AQR: variants seen among roughly 807,000 people sequenced by gnomAD.
The protein encoded by AQR is aquarius intron-binding spliceosomal factor.
A neutral mutation model predicts 180.5 loss-of-function variants in AQR; 61 were observed. The observed-to-expected ratio is 0.34, with a 90% CI of 0.28 to 0.42. The LOEUF (loss-of-function observed/expected upper bound fraction) is 0.42, where lower values mean the gene tolerates loss of function less well. Among genes scored for constraint, AQR ranks in the 10% least tolerant of loss-of-function variants. AQR has a pLI of 1.00. For synonymous variants in AQR, 551 were observed against 588.8 expected (o/e 0.94, Z 0.93); for missense variants, 1,281 against 1,798.3 (o/e 0.71, Z 5.20).
At chr15:34,870,952 T>G (rs369394000) in intron 30 of AQR, 30 bp from the exon 31 acceptor site, 53 of 1,582,910 alleles carry the variant, frequency 3.3e-5, no homozygotes, top group Middle Eastern at 1.7e-4. Context: ...AGACTGTGCA[T>G]TCATTTGCTT....
At chr15:34,889,588 T>G (rs1221089023) in intron 24 of AQR, among the ~76,000 whole-genome samples, 1 of 152,236 alleles carries the variant, frequency 6.6e-6, no homozygotes, top group Non-Finnish European at 1.5e-5. Flanking sequence ...GTATGTGATA[T>G]CAAACAAAGT....
chr15:34,943,104 C>T (rs562162245), intron 6 of AQR: 65 of 1,611,800 alleles, frequency 4.0e-5, no homozygotes, highest in East Asian at 3.3e-4. Context: ...TAAAACCCGC[C>T]GGACTTTCTG....
At chr15:34,933,613 G>A (rs117218527) in intron 10 of AQR, among the ~76,000 whole-genome samples, 1 of 151,828 alleles carries the variant, frequency 6.6e-6, no homozygotes, top group South Asian at 2.1e-4. Flanking sequence ...CTGTATGAGG[G>A]GTATTAAAGT....
At chr15:34,899,479 C>T (rs1256225355) in intron 20 of AQR, among the ~76,000 whole-genome samples, 1 of 151,764 alleles carries the variant, frequency 6.6e-6, no homozygotes, top group Non-Finnish European at 1.5e-5. Flanking sequence ...CCTGGGTTCA[C>T]GTGATCCTCC....
At chr15:34,926,943 A>ATGATTAAATGCAAT (rs1333080319) in intron 13 of AQR, 92 bp downstream of exon 13, 1 of 654,980 alleles carries the variant, frequency 1.5e-6, no homozygotes, top group Non-Finnish European at 2.4e-6. Context: ...TATTATCTAA[A>ATGATTAAATGCAAT]GTACTGCAAA....
intron 3 of AQR, among the ~76,000 whole-genome samples, chr15:34,958,151 T>C (rs898058530): frequency 6.6e-6 from 1 of 151,990 alleles, no homozygotes; most frequent in African/African-American, 2.4e-5. Context: ...GAGCTTGCAG[T>C]GAGCCGAGAT....
chr15:34,956,726 A>T (rs1894325502), intron 3 of AQR, among the ~76,000 whole-genome samples: 1 of 149,094 alleles, frequency 6.7e-6, no homozygotes, highest in Non-Finnish European at 1.5e-5. Context: ...AGAACCAGGG[A>T]ACCAGGATTC....
At chr15:34,914,529 T>C (rs1408919497) in intron 16 of AQR, among the ~76,000 whole-genome samples, 1 of 152,202 alleles carries the variant, frequency 6.6e-6, no homozygotes, top group Non-Finnish European at 1.5e-5. Flanking sequence ...AGAGATTTTC[T>C]AATGTACCAC....
At chr15:34,954,024 T>G (rs1352425053) in intron 3 of AQR, among the ~76,000 whole-genome samples, 1 of 151,496 alleles carries the variant, frequency 6.6e-6, no homozygotes, top group East Asian at 2.0e-4. Flanking sequence ...AAGCAATTCT[T>G]GTGCCTCAGA....
chr15:34,874,955 C>T, intron 28 of AQR, 91 bp from the exon 29 acceptor site: 2 of 1,186,494 alleles, frequency 1.7e-6, no homozygotes, highest in Non-Finnish European at 2.3e-6. Flanking sequence ...CATCAAACAG[C>T]TTCCTTATCT....
chr15:34,859,287 C>G (rs1048883251), intron 34 of AQR, among the ~76,000 whole-genome samples: 9 of 152,070 alleles, frequency 5.9e-5, no homozygotes, highest in African/African-American at 1.9e-4. Context: ...TGGCAAATGA[C>G]CACATGAAAA....
intron 23 of AQR, among the ~76,000 whole-genome samples, chr15:34,891,798 T>C (rs982657110): frequency 1.3e-5 from 2 of 152,042 alleles, no homozygotes; most frequent in African/African-American, 4.8e-5. Flanking sequence ...TCCAAATTGA[T>C]CCCCCTTCAA....
chr15:34,875,019 G>A (rs896365947), intron 28 of AQR, among the ~76,000 whole-genome samples, 155 bp from the exon 29 acceptor site: 1 of 152,058 alleles, frequency 6.6e-6, no homozygotes, highest in African/African-American at 2.4e-5. Context: ...CAAATTTACA[G>A]AACAATTTGT....
chr15:34,875,346 T>G (rs1436810802), intron 28 of AQR, among the ~76,000 whole-genome samples: 1 of 152,206 alleles, frequency 6.6e-6, no homozygotes, highest in Non-Finnish European at 1.5e-5. Context: ...TCCTAGTTCC[T>G]TGAAACATAT....
At chr15:34,884,028 CA>C (rs1893015971) in intron 26 of AQR, among the ~76,000 whole-genome samples, 1 of 152,126 alleles carries the variant, frequency 6.6e-6, no homozygotes, top group East Asian at 1.9e-4. Flanking sequence ...ATTCCTTTCT[CA>C]AAAATACTAA....
At chr15:34,866,346 C>G (rs1353320104) in intron 32 of AQR, among the ~76,000 whole-genome samples, 1 of 152,082 alleles carries the variant, frequency 6.6e-6, no homozygotes, top group Non-Finnish European at 1.5e-5. Flanking sequence ...AAAATTTTGG[C>G]AAATACAAAT....
At chr15:34,912,247 C>CA (rs1179519883) in intron 16 of AQR, among the ~76,000 whole-genome samples, 7 of 152,110 alleles carry the variant, frequency 4.6e-5, no homozygotes, top group African/African-American at 7.2e-5. Context: ...ATTGCTTTAG[C>CA]TATTCAGGGT....
Position 34,969,650 on chromosome 15 carries a change from G to A in AQR, c.-37C>T. 1.2e-6 allele frequency: 2 copies of A among 1,604,934 alleles called. No homozygotes were observed. The highest frequency in any genetic ancestry group is 1.7e-6 in the Non-Finnish European group (2 of 1,176,822). On this transcript the variant is annotated 5_prime_UTR_variant, in exon 1 of 35. Transcript: ENST00000156471. ...TCCCTCCACTCCAGTGGAAACTAAA[G>A]GACCGCTCTGGGCAGCGGCAACCCT... is the stretch of plus-strand genomic sequence containing the variant.
intron 19 of AQR, among the ~76,000 whole-genome samples, chr15:34,903,902 T>C (rs930140280): frequency 9.9e-5 from 15 of 152,068 alleles, no homozygotes; most frequent in Non-Finnish European, 2.1e-4. Flanking sequence ...TTATAACGTA[T>C]AGTAATTCAG....
Sources: gnomAD v4.1 joint callset for allele counts (sites outside exome capture counted in the v4.1 genomes callset) on GRCh38, gnomAD v4.1.1 for gene constraint, MANE v1.5 for transcripts, NCBI Gene and HGNC (gene_info 2026-07-23, HGNC 2026-07-21) for gene names.